The following ODF2 variants were observed in gnomAD, a reference collection of about 807,000 sequenced individuals.
ODF2 encodes the protein outer dense fiber of sperm tails 2.
ODF2 carries 47 observed loss-of-function variants against 110.2 expected under a neutral mutation model. That is an observed-to-expected ratio of 0.43 (90% confidence interval 0.34 to 0.54). ODF2 has a LOEUF of 0.54. Ranked by LOEUF, ODF2 falls within the 20% of genes least tolerant of loss-of-function variation. The probability of loss-of-function intolerance (pLI) is 0.03; values close to 1 mark genes in which losing one functional copy is unlikely to be tolerated. For synonymous variants in ODF2, 352 were observed against 397.7 expected (o/e 0.89, Z 1.37); for missense variants, 812 against 1,054.5 (o/e 0.77, Z 3.19).
At chr9:128,458,742 T>C (rs1391548537) in intron 2 of ODF2, among the ~76,000 whole-genome samples, 1 of 152,214 alleles carries the variant, frequency 6.6e-6, no homozygotes, top group Admixed American at 6.6e-5. Context: ...AACTAGATAC[T>C]TTTTTATTCT....
exon 7 of ODF2, chr9:128,473,016 A>G: frequency 6.2e-7 from 1 of 1,614,046 alleles, no homozygotes. Flanking sequence ...CATGGCCTTG[A>G]AGGATACCAT....
intron 3 of ODF2, chr9:128,460,342 T>C (rs1441177493): frequency 5.6e-6 from 8 of 1,436,874 alleles, no homozygotes; most frequent in South Asian, 3.7e-5. Context: ...AGAATCTCCC[T>C]TGTGGTCTTC....
chr9:128,467,570 C>A (rs879911454), intron 4 of ODF2, among the ~76,000 whole-genome samples: 1 of 151,708 alleles, frequency 6.6e-6, no homozygotes, highest in African/African-American at 2.4e-5. Flanking sequence ...CATGGTGAAA[C>A]CCCACCTCTA....
At chr9:128,500,412 C>T (rs1846337060) in exon 21 of ODF2, 4 of 657,976 alleles carry the variant, frequency 6.1e-6, no homozygotes, top group Non-Finnish European at 1.0e-5. Flanking sequence ...CCAAAAGCAG[C>T]AGAAGGTGAA....
At chr9:128,462,449 C>T (rs111393787) in intron 4 of ODF2, among the ~76,000 whole-genome samples, 3,707 of 151,434 alleles carry the variant, frequency 0.024, 156 homozygotes, top group African/African-American at 0.084. Flanking sequence ...ACACCCGGCC[C>T]GAATCTTTTA....
intron 8 of ODF2, among the ~76,000 whole-genome samples, chr9:128,476,301 T>C (rs1196096471): frequency 6.6e-6 from 1 of 152,188 alleles, no homozygotes; most frequent in African/African-American, 2.4e-5. Flanking sequence ...TTTTTGCTTT[T>C]TTATTTGAGA....
At chr9:128,492,968 C>G (rs118186951) in intron 16 of ODF2, among the ~76,000 whole-genome samples, 163 bp downstream of exon 16, 1 of 151,978 alleles carries the variant, frequency 6.6e-6, no homozygotes, top group Non-Finnish European at 1.5e-5. Context: ...CTGTGCCTCT[C>G]TCTCCTTTGT....
chr9:128,458,994 G>A (rs894328652), intron 2 of ODF2, among the ~76,000 whole-genome samples: 2 of 151,816 alleles, frequency 1.3e-5, no homozygotes, highest in Non-Finnish European at 1.5e-5. Context: ...ACAGACACAC[G>A]CCACCACGCC....
chr9:128,461,579 C>A (rs1169033734), intron 4 of ODF2, among the ~76,000 whole-genome samples: 1 of 152,078 alleles, frequency 6.6e-6, no homozygotes, highest in African/African-American at 2.4e-5. Context: ...CCACCACTTA[C>A]GTCTGATTTT....
intron 14 of ODF2, 27 bp downstream of exon 14, chr9:128,488,052 C>A (rs199568220): frequency 1.9e-4 from 311 of 1,612,500 alleles, no homozygotes; most frequent in Admixed American, 2.7e-4. Context: ...GGGGACCAGG[C>A]AGCTGGATGG....
intron 8 of ODF2, among the ~76,000 whole-genome samples, chr9:128,475,936 G>A (rs1037327909): frequency 2.6e-5 from 4 of 151,612 alleles, no homozygotes; most frequent in African/African-American, 7.3e-5. Context: ...AAGCCACCGC[G>A]CCCGGCCGAG....
exon 1 of ODF2, chr9:128,456,253 C>T (rs1297096259): frequency 6.5e-7 from 1 of 1,538,256 alleles, no homozygotes; most frequent in African/African-American, 1.4e-5. Context: ...CGTGTCGCTC[C>T]TGGTGAGAGG....
intron 9 of ODF2, among the ~76,000 whole-genome samples, chr9:128,482,456 C>T (rs1448514976): frequency 2.0e-5 from 3 of 151,694 alleles, no homozygotes; most frequent in Admixed American, 6.6e-5. Context: ...GGCTATGGAA[C>T]GAAGTAGGCA....
intron 6 of ODF2, 133 bp downstream of exon 6, chr9:128,471,601 A>G: frequency 2.8e-6 from 2 of 723,016 alleles, no homozygotes; most frequent in Non-Finnish European, 4.6e-6. Context: ...CCTGTTCAAC[A>G]GTCACACAAT....
chr9:128,498,531 C>T, exon 19 of ODF2: 6 of 1,611,508 alleles, frequency 3.7e-6, no homozygotes, highest in Non-Finnish European at 5.1e-6. Flanking sequence ...ATGTGGGACC[C>T]TGGCAAGGCA....
At chr9:128,469,282 C>T (rs773972621) in exon 5 of ODF2, 10 of 1,614,102 alleles carry the variant, frequency 6.2e-6, no homozygotes, top group Non-Finnish European at 8.5e-6. Flanking sequence ...TGACTCAGGT[C>T]ACTGTAAAAT....
chr9:128,487,463 C>T (rs1843595317), intron 13 of ODF2, among the ~76,000 whole-genome samples: 1 of 152,058 alleles, frequency 6.6e-6, no homozygotes, highest in Non-Finnish European at 1.5e-5. Flanking sequence ...ACGCTGGGTC[C>T]CACACCACAC....
intron 4 of ODF2, among the ~76,000 whole-genome samples, chr9:128,467,053 A>G (rs1420771685): frequency 8.7e-6 from 1 of 114,984 alleles, no homozygotes; most frequent in Non-Finnish European, 1.8e-5. Flanking sequence ...ATATATATAT[A>G]TATAGTCATA....
intron 4 of ODF2, among the ~76,000 whole-genome samples, chr9:128,468,351 A>T (rs1417363246): frequency 1.3e-5 from 2 of 152,052 alleles, no homozygotes; most frequent in African/African-American, 2.4e-5. Context: ...CTGATTTGTT[A>T]TATTATTTCT....
Sources: gnomAD v4.1 joint callset for allele counts (sites outside exome capture counted in the v4.1 genomes callset) on GRCh38, gnomAD v4.1.1 for gene constraint, MANE v1.5 for transcripts, NCBI Gene and HGNC (gene_info 2026-07-23, HGNC 2026-07-21) for gene names.